Variants in GRM7 observed in about 807,000 individuals in gnomAD.
The protein encoded by GRM7 is glutamate metabotropic receptor 7, also known as metabotropic glutamate receptor 7.
GRM7 carries 35 observed loss-of-function variants against 84.5 expected under a neutral mutation model. The ratio of observed to expected loss-of-function variants is 0.41; its 90% CI spans 0.32 to 0.55. The LOEUF is 0.55. Ranked by LOEUF, GRM7 falls within the 20% of genes least tolerant of loss-of-function variation. GRM7 has a pLI of 0.19. For missense variants in GRM7, 1,003 were observed against 1,194.6 expected (o/e 0.84, Z 2.36); for synonymous variants, 487 against 455.1 (o/e 1.07, Z -0.89).
intron 8 of GRM7, among the ~76,000 whole-genome samples, chr3:7,655,087 C>A (rs1033200333): frequency 2.0e-5 from 3 of 152,140 alleles, no homozygotes; most frequent in African/African-American, 7.2e-5. Flanking sequence ...CCAGCTCAGG[C>A]CTGGTTGTGA....
intron 2 of GRM7, among the ~76,000 whole-genome samples, chr3:7,160,155 G>A (rs186577463): frequency 1.3e-5 from 2 of 152,170 alleles, no homozygotes; most frequent in Admixed American, 1.3e-4. Context: ...ATCTCTATGT[G>A]GGAGCTCAAA....
chr3:6,976,682 A>C (rs933080072), intron 1 of GRM7, among the ~76,000 whole-genome samples: 1 of 150,950 alleles, frequency 6.6e-6, no homozygotes, highest in Admixed American at 6.6e-5. Flanking sequence ...AGCCTAACTG[A>C]AAAAAAAATG....
intron 1 of GRM7, among the ~76,000 whole-genome samples, chr3:7,026,033 T>G (rs1695969122): frequency 6.6e-6 from 1 of 152,184 alleles, no homozygotes; most frequent in South Asian, 2.1e-4. Context: ...AATGACTCAA[T>G]TGCAGCTTCT....
intron 9 of GRM7, among the ~76,000 whole-genome samples, chr3:7,694,810 A>C (rs1231824311): frequency 2.0e-5 from 3 of 152,156 alleles, no homozygotes; most frequent in Admixed American, 6.6e-5. Flanking sequence ...TATGGCAGAA[A>C]ATTTGCCAAA....
Position 7,445,538 on chromosome 3 carries a change from G to A in GRM7, c.1175-7069G>A, listed in dbSNP as rs529494190. On this transcript the variant is annotated intron_variant, in intron 5 of 9. Transcript: ENST00000357716. ...AACCCCAGCATTCTTTTCAGGAGTC[G>A]CTCATCACATTCAATTCTCACTTAT... 1.2e-3 allele frequency among the ~76,000 whole-genome samples: 187 copies of A among 152,178 alleles called. 1 individual carries two copies. Among genetic ancestry groups the A allele is most frequent in the African/African-American group, 3.2e-3 (132 of 41,524 alleles).
intron 1 of GRM7, among the ~76,000 whole-genome samples, chr3:6,864,205 AC>A (rs1694864183): frequency 6.6e-6 from 1 of 152,184 alleles, no homozygotes; most frequent in Non-Finnish European, 1.5e-5. Context: ...CCTAGTTTTC[AC>A]CTGCGTTTAT....
At chr3:7,426,054 A>C (rs182170571) in intron 5 of GRM7, among the ~76,000 whole-genome samples, 1 of 152,272 alleles carries the variant, frequency 6.6e-6, no homozygotes, top group Admixed American at 6.5e-5. Context: ...ATGTAAAACT[A>C]ATTCCTCAAC....
chr3:7,664,400 T>C (rs1699592898), intron 8 of GRM7, among the ~76,000 whole-genome samples: 1 of 152,222 alleles, frequency 6.6e-6, no homozygotes, highest in Non-Finnish European at 1.5e-5. Context: ...TCAGATCAAT[T>C]CTTTATGTCG....
chr3:6,947,083 C>G (rs925793344), intron 1 of GRM7, among the ~76,000 whole-genome samples: 5 of 152,184 alleles, frequency 3.3e-5, no homozygotes, highest in Admixed American at 1.3e-4. Flanking sequence ...GAACTTCCAA[C>G]ACTATGTTGA....
At chr3:7,205,829 C>T (rs1289372738) in intron 2 of GRM7, among the ~76,000 whole-genome samples, 3 of 152,120 alleles carry the variant, frequency 2.0e-5, no homozygotes, top group Admixed American at 6.5e-5. Context: ...CTAATCGTAA[C>T]CACATGGAGG....
chr3:7,371,397 G>A (rs6766888), intron 4 of GRM7, among the ~76,000 whole-genome samples: 29,129 of 151,934 alleles, frequency 0.19, 3,442 homozygotes, highest in African/African-American at 0.34. Context: ...AGAGACTTAG[G>A]CATAATTAAT....
At chr3:7,584,716 G>C (rs1171374806) in intron 8 of GRM7, among the ~76,000 whole-genome samples, 1 of 152,164 alleles carries the variant, frequency 6.6e-6, no homozygotes, top group African/African-American at 2.4e-5. Flanking sequence ...TTAAGGGACT[G>C]GAAAAGATGG....
chr3:7,586,662 G>T (rs1695533209), intron 8 of GRM7, among the ~76,000 whole-genome samples: 1 of 152,096 alleles, frequency 6.6e-6, no homozygotes, highest in Admixed American at 6.5e-5. Flanking sequence ...ACAAGAATTA[G>T]CCAGGCATGG....
chr3:7,097,336 A>G (rs916980202), intron 1 of GRM7, among the ~76,000 whole-genome samples: 155 of 152,298 alleles, frequency 1.0e-3, no homozygotes, highest in Middle Eastern at 3.4e-3. Flanking sequence ...CCACTCAGGA[A>G]CAAAAAATAT....
intron 7 of GRM7, among the ~76,000 whole-genome samples, chr3:7,469,936 A>G (rs1358193857): frequency 6.6e-6 from 1 of 152,196 alleles, no homozygotes; most frequent in Non-Finnish European, 1.5e-5. Context: ...ACTTGCCAAT[A>G]TTTTAAATGT....
chr3:6,925,724 C>A (rs1024528203), intron 1 of GRM7, among the ~76,000 whole-genome samples: 4 of 152,166 alleles, frequency 2.6e-5, no homozygotes, highest in African/African-American at 9.6e-5. Flanking sequence ...GCTATAGCTG[C>A]TATGAAGTCC....
intron 4 of GRM7, among the ~76,000 whole-genome samples, chr3:7,411,125 G>A (rs1319063117): frequency 6.6e-6 from 1 of 152,020 alleles, no homozygotes; most frequent in African/African-American, 2.4e-5. Context: ...ATCTTATAAG[G>A]ACTCTTGTCA....
chr3:7,670,718 A>AT (rs59556904), intron 8 of GRM7, among the ~76,000 whole-genome samples: 152,285 of 152,286 alleles, frequency 1, 76,142 homozygotes, highest in Middle Eastern at 1. Context: ...ATAAGCTCAG[A>AT]TTAATTCTTT....
chr3:7,282,938 C>T (rs1309305006), intron 2 of GRM7, among the ~76,000 whole-genome samples: 1 of 152,116 alleles, frequency 6.6e-6, no homozygotes, highest in Non-Finnish European at 1.5e-5. Flanking sequence ...ACAGTGGAGC[C>T]CTCGGCTTCG....
Sources: gnomAD v4.1 joint callset for allele counts (sites outside exome capture counted in the v4.1 genomes callset) on GRCh38, gnomAD v4.1.1 for gene constraint, MANE v1.5 for transcripts, NCBI Gene and HGNC (gene_info 2026-07-23, HGNC 2026-07-21) for gene names.